Variants in FLT1 observed in about 807,000 individuals in gnomAD.
The protein encoded by FLT1 is vascular endothelial growth factor receptor 1.
Under a neutral mutation model 156.3 loss-of-function variants are expected in FLT1, and 49 were observed. That is an observed-to-expected ratio of 0.31 (90% CI 0.25 to 0.40). The LOEUF (loss-of-function observed/expected upper bound fraction) is 0.40, where lower values mean the gene tolerates loss of function less well. Among genes scored for constraint, FLT1 ranks in the 10% least tolerant of loss-of-function variants. The pLI is 1.00. For missense variants in FLT1, 1,322 were observed against 1,637.2 expected (o/e 0.81, Z 3.32); for synonymous variants, 594 against 583.8 (o/e 1.02, Z -0.25).
intron 9 of FLT1, 126 bp downstream of exon 9, chr13:28,427,626 T>A (rs974478621): frequency 2.3e-6 from 2 of 868,302 alleles, no homozygotes; most frequent in Non-Finnish European, 3.9e-6. Flanking sequence ...TAACGTTAAG[T>A]GTTTTTTCAA....
intron 11 of FLT1, among the ~76,000 whole-genome samples, chr13:28,401,677 A>AT: frequency 6.6e-6 from 1 of 152,344 alleles, no homozygotes; most frequent in South Asian, 2.1e-4. Context: ...AGAATCTAAA[A>AT]TTAACACAGG....
chr13:28,421,565 C>A (rs1877004163), intron 10 of FLT1, among the ~76,000 whole-genome samples: 1 of 151,588 alleles, frequency 6.6e-6, no homozygotes, highest in Non-Finnish European at 1.5e-5. Flanking sequence ...CCCTTATTAA[C>A]ATTATAATCA....
chr13:28,342,826 A>C (rs1228723660), intron 16 of FLT1, among the ~76,000 whole-genome samples: 1 of 152,222 alleles, frequency 6.6e-6, no homozygotes, highest in East Asian at 1.9e-4. Context: ...CATATTAATA[A>C]GGGCTAATCT....
Position 28,322,734 on chromosome 13 carries a change from C to T in FLT1, c.2953+56G>A, listed in dbSNP as rs773191286. 87 of 1,539,624 alleles carry T rather than the reference C, an allele frequency of 5.7e-5. No individual in the cohort carries two copies. The highest frequency in any genetic ancestry group is 7.7e-5 in the Non-Finnish European group (86 of 1,114,540). ...AAATAAGAAAAAAATTTCAGAGATG[C>T]ATAGTATGTTGTAAAAATATCTCAG... On this transcript the variant is annotated intron_variant, in intron 21 of 29. Transcript: ENST00000282397. The surrounding 1 kb of genome is among the most constrained non-coding windows in gnomAD (Gnocchi z 4.3).
Position 28,396,913 on chromosome 13 carries a change from A to T in FLT1, c.1660+47T>A, listed in dbSNP as rs756003540. 12 of 1,077,016 alleles carry T rather than the reference A, an allele frequency of 1.1e-5. No homozygotes were observed. In the South Asian group the frequency reaches 1.4e-4, roughly 12 times the overall value. The allele number at this position is 1,077,016 out of a possible 1,614,324, so 66.7% of individuals were successfully genotyped here. A position where few individuals can be genotyped will look rare whatever the true frequency, so the allele number is the denominator to read the frequency against. On this transcript the variant is annotated intron_variant, in intron 12 of 29. Transcript: ENST00000282397. ...ACTAAAAGCAAACAAGACTGAAGAG[A>T]GAATGAAGTCACCAGGCTGTCTCTG...
rs926417331 is a variant in FLT1, at chr13:28,430,091, G to A, written c.1065C>T (p.Leu355=). The change falls in exon 8 of 30, where the codon CTC becomes CTT. Residue 355 remains leucine, a synonymous_variant. Coordinates refer to ENST00000282397, the MANE Select transcript of FLT1 (RefSeq NM_002019.4). The part of the protein sequence containing the change: ...ETVAGKRSYR[L]SMKVKAFPSP... ...AGGGAAATGCCTTCACTTTCATAGA[G>A]AGCCGGTAAGACCGCTTGCCAGCTA... is the stretch of plus-strand genomic sequence containing the variant. 1 of 1,613,848 alleles carries A rather than the reference G, an allele frequency of 6.2e-7. No homozygotes were observed. Among genetic ancestry groups the A allele is most frequent in the African/African-American group, 1.3e-5 (1 of 75,032 alleles).
Position 28,311,733 on chromosome 13 carries a change from C to G in FLT1, c.3493-1G>C. The G allele has an allele frequency of 1.2e-6, 2 of 1,613,994 alleles. No individual in the cohort carries two copies. Among genetic ancestry groups the G allele is most frequent in the Non-Finnish European group, 1.7e-6 (2 of 1,179,960 alleles). On this transcript the variant is annotated splice_acceptor_variant, in intron 26 of 29. Transcript: ENST00000282397. LOFTEE classifies it high-confidence loss of function. ...TGATTGGGATGTAGTCTTTACCATCCTAAAATACCAAAGGTAGAGCTCTCG... is the reference window on the plus strand; with the variant it reads ...TGATTGGGATGTAGTCTTTACCATCGTAAAATACCAAAGGTAGAGCTCTCG...
In FLT1 at chr13:28,300,532, CA is replaced by C. The variant is rs1257254788; in HGVS notation, c.*2634del. 2 of 228,144 alleles carry C rather than the reference CA, an allele frequency of 8.8e-6. No individual in the cohort carries two copies. Among genetic ancestry groups the C allele is most frequent in the Non-Finnish European group, 1.7e-5 (2 of 115,142 alleles). The allele number at this position is 228,144 out of a possible 1,614,324, so 14.1% of individuals were successfully genotyped here. A position where few individuals can be genotyped will look rare whatever the true frequency, so the allele number is the denominator to read the frequency against. ...AAACACACATACACCCACACACACA[CA>C]CACACACACACACACACACACACAT... On this transcript the variant is annotated 3_prime_UTR_variant, in exon 30 of 30. Transcript: ENST00000282397.
chr13:28,397,090 T>C, intron 11 of FLT1, 22 bp from the exon 12 acceptor site: 1 of 1,447,322 alleles, frequency 6.9e-7, no homozygotes, highest in Non-Finnish European at 9.7e-7. Context: ...AAGGAAACTT[T>C]AGCTAGCAAC....
chr13:28,459,992 C>T (rs1188859289), intron 3 of FLT1, among the ~76,000 whole-genome samples: 6 of 152,212 alleles, frequency 3.9e-5, no homozygotes, highest in Admixed American at 1.3e-4. Context: ...CAAGGCTCGG[C>T]GATGAAGCCT....
intron 10 of FLT1, among the ~76,000 whole-genome samples, chr13:28,412,377 T>TTTCTTTCTTTCCTTCC (rs1566013097): frequency 1.7e-4 from 21 of 120,550 alleles, no homozygotes; most frequent in African/African-American, 4.7e-4. Context: ...TCTTTCTTTC[T>TTTCTTTCTTTCCTTCC]TTCTTTCTTT....
intron 18 of FLT1, among the ~76,000 whole-genome samples, chr13:28,332,883 CTG>C (rs1271337727): frequency 2.6e-5 from 4 of 152,130 alleles, no homozygotes; most frequent in Non-Finnish European, 5.9e-5. Flanking sequence ...TCTTCAGAAT[CTG>C]GGGTTCTTGC....
At position 28,339,256 on chromosome 13, in the gene FLT1, G is replaced by T. The variant is rs772832908; in HGVS notation, c.2400C>A (p.Asp800Glu). The T allele has an allele frequency of 5.6e-6, 9 of 1,613,510 alleles. No homozygotes were observed. The South Asian group carries it at 8.8e-5, about 16-fold the overall frequency. ...GCTCATCCAAAGGAACTTCATCTGG[G>T]TCCATTATAATTGATAGGTAGTCAG... ...IKTDYLSIIM[D>E]PDEVPLDEQC... The change falls in exon 17 of 30, where the codon GAC becomes GAA. Residue 800 changes from aspartate to glutamate, a missense_variant. Physicochemically the swap from Asp to Glu is conservative, Grantham distance 45 (BLOSUM62 2). This residue lies in a region of FLT1 where 991 missense variants were observed against 1,254.8 expected (regional missense o/e 0.79). Transcript: ENST00000282397.
At position 28,427,266 on chromosome 13, in the gene FLT1, G is replaced by C. The variant is rs749223489; in HGVS notation, c.1329C>G (p.Leu443=). Residue 443 remains leucine (L), a synonymous_variant, in exon 10 of 30, where the codon CTC becomes CTG. Transcript: ENST00000282397. ...GGATTTGTCTGCTGCCCAGTGGGTAGAGAGCCGGGTCTGGAAACGATGACA... is the reference window on the plus strand; with the variant it reads ...GGATTTGTCTGCTGCCCAGTGGGTACAGAGCCGGGTCTGGAAACGATGACA... The part of the protein sequence containing the change: ...KAVSSFPDPA[L]YPLGSRQILT... 1 of 1,614,022 alleles carries C rather than the reference G, an allele frequency of 6.2e-7. No homozygotes were observed. The highest frequency in any genetic ancestry group is 1.1e-5 in the South Asian group (1 of 91,086).
At chr13:28,445,698 AG>A in intron 3 of FLT1, among the ~76,000 whole-genome samples, 1 of 152,310 alleles carries the variant, frequency 6.6e-6, no homozygotes, top group Non-Finnish European at 1.5e-5. Flanking sequence ...GCTGCTCACG[AG>A]GGAAAGTCAG....
intron 20 of FLT1, among the ~76,000 whole-genome samples, chr13:28,326,600 A>C (rs1871692511): frequency 7.4e-6 from 1 of 134,732 alleles, no homozygotes; most frequent in Non-Finnish European, 1.5e-5. Context: ...ATCTCGGCTC[A>C]CTGCAACCTC....
chr13:28,465,520 C>A (rs1879800549), intron 3 of FLT1, among the ~76,000 whole-genome samples: 1 of 152,070 alleles, frequency 6.6e-6, no homozygotes, highest in African/African-American at 2.4e-5. Context: ...GGGAAAAACA[C>A]TGTCTAGTTG....
rs1200582421 is a variant in FLT1, at chr13:28,335,114, A to T, written c.2489-985T>A. Among the ~76,000 whole-genome samples, 3 of 152,130 alleles carry T rather than the reference A, an allele frequency of 2.0e-5. No homozygotes were observed. In the East Asian group the frequency reaches 5.8e-4, roughly 29 times the overall value. ...CCCTGGAGTACCTAAGCTGCCTTTTATATCAGGGAACCTCCTTTTGCACAT... is the reference window on the plus strand; with the variant it reads ...CCCTGGAGTACCTAAGCTGCCTTTTTTATCAGGGAACCTCCTTTTGCACAT... On this transcript the variant is annotated intron_variant, in intron 17 of 29. Transcript: ENST00000282397.
intron 1 of FLT1, among the ~76,000 whole-genome samples, chr13:28,475,332 T>C (rs187401168): frequency 2.0e-5 from 3 of 152,352 alleles, no homozygotes; most frequent in East Asian, 3.8e-4. Context: ...ATTCCGTTTA[T>C]TTGAAATGAA....
Sources: allele counts gnomAD v4.1 joint callset (sites outside exome capture counted in the v4.1 genomes callset), GRCh38; gene constraint gnomAD v4.1.1; regional missense constraint gnomAD v4.1.1; non-coding constraint Gnocchi (gnomAD v3.1); transcripts MANE v1.5; gene names NCBI Gene and HGNC (gene_info 2026-07-23, HGNC 2026-07-21).